PCDH15: variants seen among roughly 807,000 people sequenced by gnomAD.
PCDH15 encodes protocadherin related 15, also known as protocadherin-15.
Under a neutral mutation model 178.5 loss-of-function variants are expected in PCDH15, and 129 were observed. The observed-to-expected ratio is 0.72, with a 90% CI of 0.63 to 0.84. The LOEUF is 0.84. Among genes scored for constraint, PCDH15 ranks in the 40% least tolerant of loss-of-function variants. PCDH15 has a pLI of 0.00. For missense variants in PCDH15, 2,230 were observed against 2,099.9 expected, an observed-to-expected ratio of 1.06 and a Z score of -1.21; for synonymous variants, 800 against 732.0, an observed-to-expected ratio of 1.09 and a Z score of -1.50.
intron 1 of PCDH15, among the ~76,000 whole-genome samples, chr10:55,255,406 T>A (rs1243555743): frequency 6.6e-6 from 1 of 152,222 alleles, no homozygotes; most frequent in Non-Finnish European, 1.5e-5. Context: ...AGTGCCACAA[T>A]AAACATATGT....
At chr10:54,816,150 C>A (rs1389920768) in intron 3 of PCDH15, among the ~76,000 whole-genome samples, 2 of 151,968 alleles carry the variant, frequency 1.3e-5, no homozygotes, top group Non-Finnish European at 2.9e-5. Context: ...AGATCAGATA[C>A]TATGTAATTC....
intron 2 of PCDH15, among the ~76,000 whole-genome samples, chr10:55,341,171 A>G (rs756918422): frequency 1.3e-5 from 2 of 151,984 alleles, no homozygotes; most frequent in Non-Finnish European, 1.5e-5. Context: ...CTTACACATT[A>G]TATTTAAAAG....
intron 1 of PCDH15, among the ~76,000 whole-genome samples, chr10:54,678,367 A>G (rs1236915184): frequency 6.6e-6 from 1 of 152,192 alleles, no homozygotes; most frequent in Non-Finnish European, 1.5e-5. Context: ...TTTGGATGAC[A>G]TTTATTTATG....
chr10:55,549,516 T>C (rs1176179291), intron 2 of PCDH15, among the ~76,000 whole-genome samples: 1 of 152,108 alleles, frequency 6.6e-6, no homozygotes. Flanking sequence ...GAAGTTGAAG[T>C]TGGACACCAC....
intron 1 of PCDH15, among the ~76,000 whole-genome samples, chr10:55,179,547 TC>T (rs369937434): frequency 0.015 from 1,858 of 122,822 alleles, 38 homozygotes; most frequent in African/African-American, 0.051. Context: ...CAGCACACAC[TC>T]CCCCCCATTC....
At chr10:53,910,230 C>G (rs1176236018) in intron 25 of PCDH15, among the ~76,000 whole-genome samples, 1 of 152,142 alleles carries the variant, frequency 6.6e-6, no homozygotes, top group Non-Finnish European at 1.5e-5. Flanking sequence ...CCAGTGTAGC[C>G]TAACTGGGAG....
intron 2 of PCDH15, among the ~76,000 whole-genome samples, chr10:54,536,699 A>G (rs184820708): frequency 1.2e-3 from 184 of 152,186 alleles, no homozygotes; most frequent in African/African-American, 4.3e-3. Flanking sequence ...CCTTATGCCC[A>G]TGGCTATGCA....
Position 55,365,614 on chromosome 10 carries a change from C to T in PCDH15, c.-155-198963G>A, listed in dbSNP as rs371138581. On this transcript the variant is annotated intron_variant, in intron 2 of 5. Transcript: ENST00000613346. ...AGGTGATTGCATTATGGGGGAGGGT[C>T]TTTCCTGCGCTGTTCTCATGAGAGA... 5.9e-5 allele frequency among the ~76,000 whole-genome samples: 9 copies of T among 152,154 alleles called. No homozygotes were observed. The East Asian group carries it at 1.7e-3, about 30-fold the overall frequency.
At chr10:55,412,520 T>C (rs1838364166) in intron 2 of PCDH15, among the ~76,000 whole-genome samples, 1 of 151,858 alleles carries the variant, frequency 6.6e-6, no homozygotes, top group Non-Finnish European at 1.5e-5. Context: ...GGAAGACTGG[T>C]TTCAAATTAT....
intron 3 of PCDH15, among the ~76,000 whole-genome samples, chr10:54,399,546 A>G (rs778492099): frequency 1.5e-4 from 23 of 152,126 alleles, no homozygotes; most frequent in Admixed American, 3.9e-4. Context: ...ACAATTTTAA[A>G]GGGTGAAAGT....
intron 16 of PCDH15, among the ~76,000 whole-genome samples, chr10:54,088,779 G>C (rs903758036): frequency 5.3e-5 from 8 of 152,024 alleles, no homozygotes; most frequent in Non-Finnish European, 1.0e-4. Context: ...AGCTTCATTT[G>C]TTGAAACAAA....
intron 1 of PCDH15, among the ~76,000 whole-genome samples, chr10:55,217,676 A>C (rs1840745585): frequency 6.6e-6 from 1 of 151,960 alleles, no homozygotes; most frequent in Admixed American, 6.6e-5. Context: ...AACAGAAATT[A>C]ATGAACACTT....
chr10:55,517,554 T>C (rs1310400722), intron 2 of PCDH15, among the ~76,000 whole-genome samples: 1 of 152,086 alleles, frequency 6.6e-6, no homozygotes, highest in East Asian at 1.9e-4. Flanking sequence ...GTAGAAGAAA[T>C]AAATGGACAA....
chr10:53,909,610 C>A (rs912909063), intron 25 of PCDH15, among the ~76,000 whole-genome samples: 5 of 152,182 alleles, frequency 3.3e-5, no homozygotes, highest in African/African-American at 1.2e-4. Context: ...CGGGTGATTT[C>A]TGCATTTCCA....
chr10:54,109,833 CAA>C (rs1590509648), intron 15 of PCDH15, among the ~76,000 whole-genome samples: 1 of 152,020 alleles, frequency 6.6e-6, no homozygotes. Context: ...TGTTAAATAA[CAA>C]AAATAGTATA....
chr10:54,848,699 C>G (rs1178172562), intron 3 of PCDH15, among the ~76,000 whole-genome samples: 1 of 152,178 alleles, frequency 6.6e-6, no homozygotes, highest in Non-Finnish European at 1.5e-5. Context: ...TGACCCTGAT[C>G]ACACCACTGT....
chr10:55,343,575 A>T (rs1471642677), intron 2 of PCDH15, among the ~76,000 whole-genome samples: 2 of 152,124 alleles, frequency 1.3e-5, no homozygotes, highest in East Asian at 1.9e-4. Flanking sequence ...TCCTGTAGTT[A>T]ACAATTCAAA....
intron 10 of PCDH15, among the ~76,000 whole-genome samples, chr10:54,211,445 AT>A (rs2096821797): frequency 6.6e-6 from 1 of 152,156 alleles, no homozygotes; most frequent in Admixed American, 6.5e-5. Flanking sequence ...TAATCTTTTC[AT>A]AGTCTAAAGT....
chr10:54,065,562 G>A (rs2094121447), intron 18 of PCDH15, among the ~76,000 whole-genome samples: 1 of 152,162 alleles, frequency 6.6e-6, no homozygotes, highest in Non-Finnish European at 1.5e-5. Flanking sequence ...TGGCCAGTTG[G>A]TATCAAGACC....
Sources: allele counts gnomAD v4.1 joint callset (sites outside exome capture counted in the v4.1 genomes callset), GRCh38; gene constraint gnomAD v4.1.1; transcripts MANE v1.5; gene names NCBI Gene and HGNC (gene_info 2026-07-23, HGNC 2026-07-21).